NKAIN3: variants seen among roughly 807,000 people sequenced by gnomAD.
The protein encoded by NKAIN3 is sodium/potassium transporting ATPase interacting 3.
NKAIN3 carries 25 observed loss-of-function variants against 30.2 expected under a neutral mutation model. The ratio of observed to expected loss-of-function variants is 0.83; its 90% CI spans 0.60 to 1.16. NKAIN3 has a LOEUF of 1.16. Among genes scored for constraint, NKAIN3 ranks in the 50% most tolerant of loss-of-function variants. The probability of loss-of-function intolerance (pLI) is 0.00; values close to 1 mark genes in which losing one functional copy is unlikely to be tolerated. For missense variants in NKAIN3, 225 were observed against 254.1 expected, an observed-to-expected ratio of 0.89 and a Z score of 0.78; for synonymous variants, 91 against 89.6, an observed-to-expected ratio of 1.02 and a Z score of -0.09.
At chr8:62,696,121 A>G (rs1814146855) in intron 3 of NKAIN3, among the ~76,000 whole-genome samples, 1 of 152,098 alleles carries the variant, frequency 6.6e-6, no homozygotes, top group Non-Finnish European at 1.5e-5. Flanking sequence ...GCCTCTGTTA[A>G]TTTTCACTCA....
At chr8:62,546,658 A>G (rs574544023) in intron 1 of NKAIN3, among the ~76,000 whole-genome samples, 7 of 152,218 alleles carry the variant, frequency 4.6e-5, no homozygotes, top group Non-Finnish European at 8.8e-5. Context: ...AGGCCATGTC[A>G]TGAGTATAAA....
intron 1 of NKAIN3, among the ~76,000 whole-genome samples, chr8:62,330,252 G>A (rs940808887): frequency 6.6e-6 from 1 of 151,882 alleles, no homozygotes; most frequent in Non-Finnish European, 1.5e-5. Context: ...AACAGATGAG[G>A]AAGAAAAGTA....
intron 3 of NKAIN3, among the ~76,000 whole-genome samples, chr8:62,689,244 A>G (rs751566205): frequency 1.3e-5 from 2 of 152,166 alleles, no homozygotes; most frequent in Non-Finnish European, 1.5e-5. Flanking sequence ...ATCATCCTTT[A>G]TAAGGAGACA....
intron 1 of NKAIN3, among the ~76,000 whole-genome samples, chr8:62,445,186 C>T (rs186738542): frequency 1.3e-5 from 2 of 152,118 alleles, no homozygotes; most frequent in East Asian, 1.9e-4. Flanking sequence ...CCTTGTGATC[C>T]GCGCACCTCA....
chr8:62,332,767 A>G lies in NKAIN3; in HGVS notation c.54+83640A>G, dbSNP rs114503849. On this transcript the variant is annotated intron_variant, in intron 1 of 6. Transcript: ENST00000623646. ...ACCAGGCACTGTGGCTCACACTTACAGTCTCAGCACTTCCGTCAAGAAGCC... is the reference window on the plus strand; with the variant it reads ...ACCAGGCACTGTGGCTCACACTTACGGTCTCAGCACTTCCGTCAAGAAGCC... 6.5e-3 allele frequency among the ~76,000 whole-genome samples: 989 copies of G among 152,260 alleles called. 10 individuals carry two copies. Among genetic ancestry groups the G allele is most frequent in the African/African-American group, 0.023 (936 of 41,572 alleles).
At chr8:62,305,860 C>G (rs1422638037) in intron 1 of NKAIN3, among the ~76,000 whole-genome samples, 1 of 150,220 alleles carries the variant, frequency 6.7e-6, no homozygotes, top group Non-Finnish European at 1.5e-5. Flanking sequence ...GGAGTTTGAC[C>G]TGTGAGTCCT....
intron 1 of NKAIN3, among the ~76,000 whole-genome samples, chr8:62,403,467 C>A (rs1057503416): frequency 2.6e-5 from 4 of 152,154 alleles, no homozygotes; most frequent in Non-Finnish European, 5.9e-5. Context: ...AGATCCAGGG[C>A]TCCCCTGCTG....
chr8:62,905,235 G>T (rs1404010034), intron 4 of NKAIN3, among the ~76,000 whole-genome samples: 1 of 152,114 alleles, frequency 6.6e-6, no homozygotes, highest in Non-Finnish European at 1.5e-5. Context: ...CAAAGAATGG[G>T]GTGTACTCAG....
downstream of NKAIN3, among the ~76,000 whole-genome samples, chr8:62,988,293 T>A (rs1312689752): frequency 6.6e-6 from 1 of 152,216 alleles, no homozygotes; most frequent in Non-Finnish European, 1.5e-5. Flanking sequence ...GACCCTCTTC[T>A]TGAAGCTCCA....
intron 4 of NKAIN3, among the ~76,000 whole-genome samples, chr8:62,858,891 G>A (rs1179099812): frequency 6.6e-6 from 1 of 152,178 alleles, no homozygotes; most frequent in African/African-American, 2.4e-5. Flanking sequence ...TGGCTCCTTG[G>A]GTTCAGCCCC....
Position 62,786,522 on chromosome 8 carries a change from A to G in NKAIN3, c.471+39393A>G, listed in dbSNP as rs538384677. ...AAGGATTCATGTTGAATTACCTAGC[A>G]AAGTTGAAAAAAAACACCTACAGAG... On this transcript the variant is annotated intron_variant, in intron 4 of 6. Coordinates refer to ENST00000623646, the MANE Select transcript of NKAIN3 (RefSeq NM_001304533.3). Among the ~76,000 whole-genome samples the G allele has an allele frequency of 2.0e-5, 3 of 152,040 alleles. No homozygotes were observed. The East Asian group carries it at 5.8e-4, about 29-fold the overall frequency.
chr8:62,694,505 A>C (rs2130451375), intron 3 of NKAIN3, among the ~76,000 whole-genome samples: 1 of 152,262 alleles, frequency 6.6e-6, no homozygotes, highest in Admixed American at 6.5e-5. Context: ...AAAATAATGG[A>C]TCATATCAAA....
chr8:62,859,789 G>A (rs1036339710), intron 4 of NKAIN3, among the ~76,000 whole-genome samples: 1 of 152,066 alleles, frequency 6.6e-6, no homozygotes, highest in Admixed American at 6.6e-5. Context: ...TCATGTACAG[G>A]AGAGTGTCTG....
At chr8:62,834,616 T>G (rs1284151162) in intron 4 of NKAIN3, among the ~76,000 whole-genome samples, 1 of 151,660 alleles carries the variant, frequency 6.6e-6, no homozygotes, top group African/African-American at 2.4e-5. Flanking sequence ...TAGGAATACA[T>G]CTAACCAAGG....
At chr8:62,893,837 C>T (rs1821359321) in intron 4 of NKAIN3, among the ~76,000 whole-genome samples, 2 of 152,144 alleles carry the variant, frequency 1.3e-5, no homozygotes, top group Admixed American at 6.6e-5. Context: ...GTTTTCCTGG[C>T]TAGAGGAGAC....
chr8:62,680,589 C>T (rs903436122), intron 3 of NKAIN3, among the ~76,000 whole-genome samples: 2 of 152,058 alleles, frequency 1.3e-5, no homozygotes, highest in African/African-American at 4.8e-5. Context: ...AGAAATGGGA[C>T]AAAAGTGACT....
chr8:62,249,895 C>T (rs1812045035), intron 1 of NKAIN3, among the ~76,000 whole-genome samples: 1 of 152,156 alleles, frequency 6.6e-6, no homozygotes, highest in South Asian at 2.1e-4. Context: ...AGAGCAAATG[C>T]TCCTCTTAAT....
At chr8:62,720,940 C>G (rs775519476) in intron 3 of NKAIN3, among the ~76,000 whole-genome samples, 2 of 152,078 alleles carry the variant, frequency 1.3e-5, no homozygotes, top group Admixed American at 6.5e-5. Flanking sequence ...TACATGTGGT[C>G]GATATTATGC....
At chr8:62,696,438 C>T (rs79390099) in intron 3 of NKAIN3, among the ~76,000 whole-genome samples, 4,085 of 152,120 alleles carry the variant, frequency 0.027, 194 homozygotes, top group African/African-American at 0.093. Flanking sequence ...GATTAATTCT[C>T]CATTTCTAAT....
Sources: gnomAD v4.1 joint callset for allele counts (sites outside exome capture counted in the v4.1 genomes callset) on GRCh38, gnomAD v4.1.1 for gene constraint, MANE v1.5 for transcripts, NCBI Gene and HGNC (gene_info 2026-07-23, HGNC 2026-07-21) for gene names.